The following PDE9A variants were observed in gnomAD, a reference collection of about 807,000 sequenced individuals.
PDE9A encodes high affinity cGMP-specific 3',5'-cyclic phosphodiesterase 9A.
Under a neutral mutation model 87.4 loss-of-function variants are expected in PDE9A, and 60 were observed. That is an observed-to-expected ratio of 0.69 (90% CI 0.56 to 0.85). PDE9A has a LOEUF of 0.85. PDE9A is among the 40% of genes least tolerant of loss of function. PDE9A has a pLI of 0.00. For synonymous variants in PDE9A, 272 were observed against 279.4 expected, an observed-to-expected ratio of 0.97 and a Z score of 0.27; for missense variants, 665 against 779.0, an observed-to-expected ratio of 0.85 and a Z score of 1.74.
chr21:42,743,843 G>T lies in PDE9A; in HGVS notation c.636G>T (p.Leu212=). The T allele has an allele frequency of 6.3e-7, 1 of 1,581,162 alleles. No homozygotes were observed. Among genetic ancestry groups the T allele is most frequent in the East Asian group, 2.3e-5 (1 of 42,952 alleles). The part of the protein sequence containing the change: ...KSDIKKMREE[L]AARSSRTNCP... ...ACATTAAGAAGATGAGGGAGGAGCT[G>T]GCGGCCAGAAGCAGCAGGTAGGGTC... is the stretch of plus-strand genomic sequence containing the variant. The change falls in exon 8 of 20, where the codon CTG becomes CTT. Residue 212 remains leucine (L), a synonymous_variant. Coordinates refer to ENST00000291539, the MANE Select transcript of PDE9A (RefSeq NM_002606.3).
chr21:42,662,226 AC>A (rs920941191), intron 1 of PDE9A, among the ~76,000 whole-genome samples: 1 of 151,478 alleles, frequency 6.6e-6, no homozygotes, highest in Non-Finnish European at 1.5e-5. Context: ...CCCGGGCGCC[AC>A]CCCCCCAGGT....
At chr21:42,754,170 C>A in intron 10 of PDE9A, 106 bp downstream of exon 10, 1 of 605,460 alleles carries the variant, frequency 1.7e-6, no homozygotes, top group Non-Finnish European at 2.9e-6. Context: ...GCTTTTTCCT[C>A]TTCTTTTTAA....
chr21:42,768,669 T>A, intron 16 of PDE9A: 5 of 985,242 alleles, frequency 5.1e-6, no homozygotes, highest in Non-Finnish European at 6.0e-6. Context: ...ACGGGGAAGG[T>A]CGGGGACATA....
At chr21:42,765,350 C>A in intron 14 of PDE9A, 31 bp from the exon 15 acceptor site, 1 of 1,277,168 alleles carries the variant, frequency 7.8e-7, no homozygotes, top group South Asian at 1.2e-5. Flanking sequence ...AGACTATACC[C>A]GTGTTAACAC....
chr21:42,680,106 T>C (rs1450100563), intron 1 of PDE9A, among the ~76,000 whole-genome samples: 1 of 152,202 alleles, frequency 6.6e-6, no homozygotes, highest in African/African-American at 2.4e-5. Context: ...TCTCACAGCC[T>C]CCGCTGCCCC....
At chr21:42,764,977 G>A (rs2056223340) in intron 14 of PDE9A, among the ~76,000 whole-genome samples, 1 of 140,370 alleles carries the variant, frequency 7.1e-6, no homozygotes, top group Admixed American at 7.8e-5. Context: ...CTTGTGGGGT[G>A]GGTGGGTGGA....
At chr21:42,670,545 C>T (rs2058471336) in intron 1 of PDE9A, among the ~76,000 whole-genome samples, 2 of 151,754 alleles carry the variant, frequency 1.3e-5, no homozygotes, top group Non-Finnish European at 2.9e-5. Flanking sequence ...CACTCACGTA[C>T]ACTTACCCAC....
At chr21:42,658,486 C>T (rs1330370381) in intron 1 of PDE9A, among the ~76,000 whole-genome samples, 3 of 152,210 alleles carry the variant, frequency 2.0e-5, no homozygotes, top group African/African-American at 2.4e-5. Context: ...AAGCCCTACC[C>T]GGCTCCTGCG....
intron 1 of PDE9A, among the ~76,000 whole-genome samples, chr21:42,657,334 C>T (rs1302958052): frequency 6.6e-6 from 1 of 152,234 alleles, no homozygotes; most frequent in Non-Finnish European, 1.5e-5. Context: ...CTGTCACCCC[C>T]AACCCCGTGT....
At position 42,715,188 on chromosome 21, in the gene PDE9A, CT is replaced by C. The variant is rs369972172; in HGVS notation, c.262+16197del. Among the ~76,000 whole-genome samples the C allele has an allele frequency of 1.7e-3, 183 of 104,646 alleles. 1 individual carries two copies. The highest frequency in any genetic ancestry group is 4.9e-3 in the African/African-American group (120 of 24,618). The allele number at this position is 104,646 out of a possible 152,430, so 68.7% of individuals were successfully genotyped here. A position where few individuals can be genotyped will look rare whatever the true frequency, so the allele number is the denominator to read the frequency against. On this transcript the variant is annotated intron_variant, in intron 4 of 19. Transcript: ENST00000291539. ...GTAAGTGTTACAATATGCATCTTTA[CT>C]TTTTTTTTTTTTTTTTTTTACAATT...
intron 4 of PDE9A, among the ~76,000 whole-genome samples, chr21:42,718,646 C>T (rs998215023): frequency 2.0e-5 from 3 of 151,370 alleles, no homozygotes; most frequent in Non-Finnish European, 3.0e-5. Flanking sequence ...ATTTGTCTCT[C>T]GAGACTCCCC....
chr21:42,704,202 G>A lies in PDE9A; in HGVS notation c.262+5191G>A, dbSNP rs943690182. Among the ~76,000 whole-genome samples, 29 of 152,200 alleles carry A rather than the reference G, an allele frequency of 1.9e-4. No individual in the cohort carries two copies. The highest frequency in any genetic ancestry group is 1.9e-4 in the Non-Finnish European group (13 of 68,030). ...GGCTGGGTGTCCCTCCGGGCCAGCC[G>A]AGGAGCGCTGCGCTTATTCCGCAGT... On this transcript the variant is annotated intron_variant, in intron 4 of 19. Transcript: ENST00000291539. This position sits in a 1 kb window ranked among gnomAD's most constrained non-coding sequence, Gnocchi z 5.3.
At chr21:42,655,672 G>A (rs2057006531) in intron 1 of PDE9A, among the ~76,000 whole-genome samples, 1 of 152,196 alleles carries the variant, frequency 6.6e-6, no homozygotes, top group South Asian at 2.1e-4. Flanking sequence ...CTGCTTTATA[G>A]ACTGGAATGA....
chr21:42,714,010 A>G lies in PDE9A; in HGVS notation c.262+14999A>G, dbSNP rs1325487080. Among the ~76,000 whole-genome samples, 5 of 95,830 alleles carry G rather than the reference A, an allele frequency of 5.2e-5. No individual in the cohort carries two copies. The South Asian group carries it at 1.6e-3, about 31-fold the overall frequency. The allele number at this position is 95,830 out of a possible 152,430, so 62.9% of individuals were successfully genotyped here. A position where few individuals can be genotyped will look rare whatever the true frequency, so the allele number is the denominator to read the frequency against. On this transcript the variant is annotated intron_variant, in intron 4 of 19. Coordinates refer to ENST00000291539, the MANE Select transcript of PDE9A (RefSeq NM_002606.3). Reference sequence around the variant, plus strand: ...TCAATTTGTTAAAACTTTTTTTTTCATTCCAATTTTTTTTTTTTTTTTTTT... The same window carrying G: ...TCAATTTGTTAAAACTTTTTTTTTCGTTCCAATTTTTTTTTTTTTTTTTTT...
chr21:42,742,881 T>C (rs1221854991), intron 7 of PDE9A, among the ~76,000 whole-genome samples: 1 of 152,118 alleles, frequency 6.6e-6, no homozygotes, highest in African/African-American at 2.4e-5. Flanking sequence ...CCAAAATATC[T>C]CAAGCGCTGA....
At chr21:42,740,726 A>AGATAGATAGATAGATAGATAAACAG (rs2053124825) in intron 7 of PDE9A, among the ~76,000 whole-genome samples, 5 of 141,366 alleles carry the variant, frequency 3.5e-5, no homozygotes, top group African/African-American at 1.3e-4. Context: ...ATAGATAGAT[A>AGATAGATAGATAGATAGATAAACAG]GATAGATAGA....
intron 1 of PDE9A, among the ~76,000 whole-genome samples, chr21:42,667,215 G>A (rs924832973): frequency 1.3e-5 from 2 of 152,224 alleles, no homozygotes; most frequent in Non-Finnish European, 2.9e-5. Context: ...TGAGGAAGTT[G>A]GATGAGGGGG....
At position 42,696,752 on chromosome 21, in the gene PDE9A, G is replaced by A. The variant is rs543970926; in HGVS notation, c.219-2216G>A. On this transcript the variant is annotated intron_variant, in intron 3 of 19. Transcript: ENST00000291539. The surrounding 1 kb of genome is among the most constrained non-coding windows in gnomAD (Gnocchi z 5.1). Reference sequence around the variant, plus strand: ...TCAGCAAAGCACCTGGCCTCTTCACGCCTTGGGCTCTGGGTCTGTAAGGCA... The same window carrying A: ...TCAGCAAAGCACCTGGCCTCTTCACACCTTGGGCTCTGGGTCTGTAAGGCA... Among the ~76,000 whole-genome samples the A allele has an allele frequency of 2.6e-4, 39 of 152,282 alleles. No homozygotes were observed. Among genetic ancestry groups the A allele is most frequent in the Admixed American group, 1.2e-3 (19 of 15,302 alleles).
chr21:42,742,628 G>A (rs1216295187), intron 7 of PDE9A, among the ~76,000 whole-genome samples: 2 of 151,828 alleles, frequency 1.3e-5, no homozygotes, highest in South Asian at 4.2e-4. Context: ...CACCATGCCC[G>A]GCTAATTTTT....
Sources: gnomAD v4.1 joint callset for allele counts (sites outside exome capture counted in the v4.1 genomes callset) on GRCh38, gnomAD v4.1.1 for gene constraint, Gnocchi (gnomAD v3.1) non-coding constraint, MANE v1.5 for transcripts, NCBI Gene and HGNC (gene_info 2026-07-23, HGNC 2026-07-21) for gene names.